SPTBN1: variants seen among roughly 807,000 people sequenced by gnomAD.
The protein encoded by SPTBN1 is spectrin beta chain, non-erythrocytic 1.
SPTBN1 carries 32 observed loss-of-function variants against 266.4 expected under a neutral mutation model. That is an observed-to-expected ratio of 0.12 (90% confidence interval 0.09 to 0.16). SPTBN1 has a LOEUF of 0.16. SPTBN1 is among the 10% of genes least tolerant of loss of function. The pLI, the probability that SPTBN1 is intolerant of heterozygous loss-of-function variation, is 1.00. For synonymous variants in SPTBN1, 1,336 were observed against 1,162.2 expected, an observed-to-expected ratio of 1.15 and a Z score of -3.04; for missense variants, 2,296 against 3,067.1, an observed-to-expected ratio of 0.75 and a Z score of 5.94.
At chr2:54,505,464 G>A (rs1050647331) in intron 1 of SPTBN1, among the ~76,000 whole-genome samples, 4 of 152,100 alleles carry the variant, frequency 2.6e-5, no homozygotes, top group African/African-American at 9.7e-5. Context: ...TTTTTGGAGC[G>A]CTCTAGCTGT....
intron 2 of SPTBN1, among the ~76,000 whole-genome samples, chr2:54,530,723 T>G (rs1237145989): frequency 1.3e-5 from 2 of 152,216 alleles, no homozygotes; most frequent in Non-Finnish European, 2.9e-5. Flanking sequence ...AGGAATTGCT[T>G]TTAATTCAAT....
intron 1 of SPTBN1, among the ~76,000 whole-genome samples, chr2:54,485,196 C>T (rs949347492): frequency 9.7e-5 from 13 of 133,522 alleles, no homozygotes; most frequent in Non-Finnish European, 1.9e-4. Context: ...GTCTCCCTCT[C>T]GGTCTCCCTC....
chr2:54,601,013 G>A (rs1235497093), intron 3 of SPTBN1, among the ~76,000 whole-genome samples: 2 of 152,004 alleles, frequency 1.3e-5, no homozygotes, highest in Non-Finnish European at 2.9e-5. Flanking sequence ...TATAAGTAGG[G>A]AGAAAAACCA....
At chr2:54,499,039 A>G (rs996339055) in intron 1 of SPTBN1, among the ~76,000 whole-genome samples, 2 of 152,006 alleles carry the variant, frequency 1.3e-5, no homozygotes, top group African/African-American at 2.4e-5. Flanking sequence ...CTGTTGGCTC[A>G]TGCTTTTCCC....
At chr2:54,605,729 G>A (rs1439249764) in intron 3 of SPTBN1, among the ~76,000 whole-genome samples, 1 of 152,172 alleles carries the variant, frequency 6.6e-6, no homozygotes, top group African/African-American at 2.4e-5. Context: ...ACACGTTGTG[G>A]GAGTGTGTGG....
intron 3 of SPTBN1, among the ~76,000 whole-genome samples, chr2:54,611,107 A>T (rs993738613): frequency 1.3e-5 from 2 of 152,190 alleles, no homozygotes; most frequent in African/African-American, 4.8e-5. Flanking sequence ...GATAATTTTT[A>T]ATTTTATGAC....
At chr2:54,644,744 T>A (rs1679808295) in intron 20 of SPTBN1, among the ~76,000 whole-genome samples, 158 bp downstream of exon 20, 1 of 152,218 alleles carries the variant, frequency 6.6e-6, no homozygotes, top group African/African-American at 2.4e-5. Context: ...CGTAGAACAT[T>A]TCCAGAATAG....
intron 2 of SPTBN1, chr2:54,529,478 A>C (rs762659444): frequency 1.4e-6 from 1 of 715,892 alleles, no homozygotes; most frequent in South Asian, 1.3e-5. Flanking sequence ...CATGTCACCC[A>C]CCTTCCAGCG....
chr2:54,515,637 T>A (rs535335059), intron 1 of SPTBN1: 1 of 152,180 alleles, frequency 6.6e-6, no homozygotes, highest in Non-Finnish European at 1.5e-5. Context: ...GCTCAAGTGA[T>A]CCTCCCATTT....
Position 54,646,561 on chromosome 2 carries a change from A to T in SPTBN1, c.4866+86A>T. 7.1e-7 allele frequency: 1 copy of T among 1,400,522 alleles called. No individual in the cohort carries two copies. Among genetic ancestry groups the T allele is most frequent in the Non-Finnish European group, 9.3e-7 (1 of 1,072,740 alleles). 86.8% of individuals were successfully genotyped at this position (1,400,522 alleles called of 1,614,324 possible). On this transcript the variant is annotated intron_variant, in intron 23 of 35. Coordinates refer to ENST00000356805, the MANE Select transcript of SPTBN1 (RefSeq NM_003128.3). The surrounding 1 kb of genome is among the most constrained non-coding windows in gnomAD (Gnocchi z 4.4). ...ACTTTCTGCTGGCGGCTCTGTCTGT[A>T]TAAAAACTTCCCTTGTAGCCTTTGA...
chr2:54,521,970 T>C (rs1670468409), intron 1 of SPTBN1, among the ~76,000 whole-genome samples: 1 of 152,106 alleles, frequency 6.6e-6, no homozygotes, highest in Non-Finnish European at 1.5e-5. Flanking sequence ...CAGTTATGGT[T>C]CACTGCAACC....
intron 17 of SPTBN1, among the ~76,000 whole-genome samples, chr2:54,634,551 T>A (rs907965289): frequency 1.3e-5 from 2 of 152,166 alleles, no homozygotes; most frequent in African/African-American, 4.8e-5. Context: ...GAATTCTGAT[T>A]TCACTTTAAT....
chr2:54,588,345 G>T (rs1040833722), intron 2 of SPTBN1, among the ~76,000 whole-genome samples: 3 of 152,268 alleles, frequency 2.0e-5, no homozygotes, highest in Admixed American at 1.3e-4. Flanking sequence ...GACATGGATG[G>T]TTATGAGTTT....
intron 1 of SPTBN1, among the ~76,000 whole-genome samples, chr2:54,475,633 C>G (rs756869719): frequency 3.9e-5 from 6 of 152,052 alleles, no homozygotes; most frequent in Non-Finnish European, 5.9e-5. Flanking sequence ...TGAGTTTGAG[C>G]CACAGAACGG....
intron 2 of SPTBN1, among the ~76,000 whole-genome samples, chr2:54,588,712 C>A (rs1573476874): frequency 6.6e-6 from 1 of 152,150 alleles, no homozygotes; most frequent in East Asian, 1.9e-4. Context: ...ACTGCAGTTC[C>A]CATCCTGTAG....
chr2:54,612,354 G>A lies in SPTBN1; in HGVS notation c.474+20G>A. 1 of 1,599,290 alleles carries A rather than the reference G, an allele frequency of 6.3e-7. No homozygotes were observed. The highest frequency in any genetic ancestry group is 8.5e-7 in the Non-Finnish European group (1 of 1,170,968). Reference sequence around the variant, plus strand: ...TTCCAGGTAAGGGTCTCTGCCCAGGGTTGCTCAGAACTTAGGCCGACCTCT... The same window carrying A: ...TTCCAGGTAAGGGTCTCTGCCCAGGATTGCTCAGAACTTAGGCCGACCTCT... On this transcript the variant is annotated intron_variant, in intron 4 of 35. Transcript: ENST00000356805.
At chr2:54,563,142 T>TTA (rs1558843861) in intron 2 of SPTBN1, among the ~76,000 whole-genome samples, 1 of 152,172 alleles carries the variant, frequency 6.6e-6, no homozygotes, top group African/African-American at 2.4e-5. Context: ...ATGTTCATAT[T>TTA]TATATATATA....
intron 2 of SPTBN1, among the ~76,000 whole-genome samples, chr2:54,588,032 A>C (rs1455355778): frequency 6.6e-6 from 1 of 152,234 alleles, no homozygotes; most frequent in African/African-American, 2.4e-5. Flanking sequence ...TTTTAATTTG[A>C]AGTGGAGTCT....
intron 17 of SPTBN1, among the ~76,000 whole-genome samples, chr2:54,636,881 T>C (rs998631061): frequency 2.6e-5 from 4 of 152,210 alleles, no homozygotes; most frequent in African/African-American, 4.8e-5. Context: ...TCCTCCCCTA[T>C]TGGAAATGAA....
Sources: allele counts gnomAD v4.1 joint callset (sites outside exome capture counted in the v4.1 genomes callset), GRCh38; gene constraint gnomAD v4.1.1; non-coding constraint Gnocchi (gnomAD v3.1); transcripts MANE v1.5; gene names NCBI Gene and HGNC (gene_info 2026-07-23, HGNC 2026-07-21).